Variants in SHROOM4 observed in about 807,000 individuals in gnomAD.
SHROOM4 encodes the protein protein Shroom4.
A neutral mutation model predicts 80.3 loss-of-function variants in SHROOM4; 17 were observed. That is an observed-to-expected ratio of 0.21 (90% CI 0.14 to 0.32). The LOEUF is 0.32. Ranked by LOEUF, SHROOM4 falls within the 10% of genes least tolerant of loss-of-function variation. The pLI is 1.00. For synonymous variants in SHROOM4, 400 were observed against 437.5 expected, an observed-to-expected ratio of 0.91 and a Z score of 1.07; for missense variants, 993 against 1,140.3, an observed-to-expected ratio of 0.87 and a Z score of 1.86.
At chrX:50,704,984 G>A (rs781993276) in intron 1 of SHROOM4, among the ~76,000 whole-genome samples, 7 of 111,810 alleles carry the variant, frequency 6.3e-5, no homozygotes, top group Non-Finnish European at 1.1e-4. Context: ...AAAGCAAACA[G>A]CTCCCAAATA....
At chrX:50,586,330 C>A (rs1446271103), downstream of SHROOM4, among the ~76,000 whole-genome samples, 2 of 111,720 alleles carry the variant, frequency 1.8e-5, no homozygotes, top group Non-Finnish European at 3.8e-5. Flanking sequence ...TTACTCATGG[C>A]CTTTTCCCAG....
At chrX:50,742,567 T>C (rs1265563738) in intron 1 of SHROOM4, among the ~76,000 whole-genome samples, 1 of 105,659 alleles carries the variant, frequency 9.5e-6, no homozygotes, top group African/African-American at 3.5e-5. Flanking sequence ...ACTGGTCAGG[T>C]ATTTTGTAGA....
At chrX:50,793,764 G>C (rs1935901858) in intron 1 of SHROOM4, among the ~76,000 whole-genome samples, 1 of 109,269 alleles carries the variant, frequency 9.2e-6, no homozygotes, top group African/African-American at 3.3e-5. Flanking sequence ...GAAAAAAGAG[G>C]GGTTACTAAC....
rs1557248990 is a variant in SHROOM4 at position 50,607,870 on chromosome X, A to G, written c.3272T>C (p.Leu1091Pro). 4 of 1,207,114 alleles carry G rather than the reference A, an allele frequency of 3.3e-6. No individual in the cohort carries two copies. In the Admixed American group the frequency reaches 8.8e-5, roughly 26 times the overall value. Residue 1091 changes from leucine to proline, a missense_variant, in exon 6 of 9, where the codon CTT (leucine) becomes CCT (proline). Coordinates refer to ENST00000376020, the MANE Select transcript of SHROOM4 (RefSeq NM_020717.5). ...FSKGDETQSDLLGARKKAFPP... is the reference protein window; with the variant it reads ...FSKGDETQSDPLGARKKAFPP... ...AAAGGCCTTCTTCCTGGCTCCGAGA[A>G]GATCCGACTGGGTCTCATCACCTTT...
intron 1 of SHROOM4, among the ~76,000 whole-genome samples, chrX:50,740,904 C>G (rs1348127404): frequency 9.0e-6 from 1 of 111,623 alleles, no homozygotes; most frequent in Non-Finnish European, 1.9e-5. Context: ...AGCTTTCCCC[C>G]TATATTTTAT....
At chrX:50,653,926 G>T (rs940118349) in intron 2 of SHROOM4, among the ~76,000 whole-genome samples, 1 of 111,986 alleles carries the variant, frequency 8.9e-6, no homozygotes, top group Non-Finnish European at 1.9e-5. Context: ...CTTGATCGTG[G>T]TGGATCCTCT....
At chrX:50,797,127 C>A (rs953941581) in intron 1 of SHROOM4, among the ~76,000 whole-genome samples, 1 of 109,036 alleles carries the variant, frequency 9.2e-6, no homozygotes, top group East Asian at 2.9e-4. Flanking sequence ...TGAGGAATAT[C>A]CACAGGATAG....
intron 2 of SHROOM4, among the ~76,000 whole-genome samples, chrX:50,689,035 T>G (rs1021618761): frequency 9.0e-6 from 1 of 111,149 alleles, no homozygotes; most frequent in Non-Finnish European, 1.9e-5. Context: ...GGACCAGCAT[T>G]AAGATTAATG....
chrX:50,579,048 C>A, the SHROOM4 span, among the ~76,000 whole-genome samples: 1 of 111,032 alleles, frequency 9.0e-6, no homozygotes, highest in African/African-American at 3.3e-5. Flanking sequence ...TGGTGGAACT[C>A]AAAAAACATG....
chrX:50,628,658 T>C (rs1183898630), intron 4 of SHROOM4, among the ~76,000 whole-genome samples: 1 of 111,910 alleles, frequency 8.9e-6, no homozygotes, highest in Non-Finnish European at 1.9e-5. Flanking sequence ...AGAATAAACA[T>C]AGATCCTTGG....
chrX:50,633,212 C>T lies in SHROOM4; in HGVS notation c.2861G>A (p.Gly954Asp), dbSNP rs1557254505. 1.7e-6 allele frequency: 2 copies of T among 1,211,242 alleles called. No homozygotes were observed. The highest frequency in any genetic ancestry group is 2.2e-5 in the Admixed American group (1 of 46,036). The change falls in exon 4 of 9, where the codon GGC (glycine) becomes GAC (aspartate). Residue 954 changes from glycine to aspartate, a missense_variant. By Grantham distance (94) the Gly-to-Asp change is moderately conservative. Transcript: ENST00000376020. ...CAGCTTCCTGGGTTTCCAAGTGTTG[C>T]CAGGTGCCAAGCTGCTGTCCTCGAG... ...SALEDSSLAP[G>D]NTWKPRKLTV... is the part of the protein sequence containing the mutation.
chrX:50,620,034 T>C (rs782424686), intron 5 of SHROOM4, among the ~76,000 whole-genome samples: 3 of 111,632 alleles, frequency 2.7e-5, no homozygotes, highest in South Asian at 7.7e-4. Context: ...TAAGCATGTC[T>C]GGTAAGTAAC....
intron 1 of SHROOM4, among the ~76,000 whole-genome samples, chrX:50,698,100 T>C (rs1933421287): frequency 8.9e-6 from 1 of 112,677 alleles, no homozygotes; most frequent in Non-Finnish European, 1.9e-5. Flanking sequence ...CCCCTCAATA[T>C]GTATTAAGTA....
intron 1 of SHROOM4, among the ~76,000 whole-genome samples, chrX:50,739,482 C>T (rs1192087998): frequency 9.0e-6 from 1 of 110,780 alleles, no homozygotes; most frequent in African/African-American, 3.3e-5. Flanking sequence ...AACAAATTTA[C>T]AAGAAAAAAG....
chrX:50,785,029 C>T (rs1569548993), intron 1 of SHROOM4, among the ~76,000 whole-genome samples: 1 of 111,823 alleles, frequency 8.9e-6, no homozygotes, highest in East Asian at 2.8e-4. Context: ...CATCATTAGC[C>T]ATTAGAAAAA....
chrX:50,711,462 G>A (rs912026813), intron 1 of SHROOM4, among the ~76,000 whole-genome samples: 1 of 111,935 alleles, frequency 8.9e-6, no homozygotes, highest in African/African-American at 3.2e-5. Flanking sequence ...GGATACACAA[G>A]TGCATGGGAT....
chrX:50,652,395 C>T (rs1017417907), intron 2 of SHROOM4, among the ~76,000 whole-genome samples: 3 of 111,933 alleles, frequency 2.7e-5, no homozygotes, highest in Non-Finnish European at 5.6e-5. Context: ...AGTGTCTGTT[C>T]ATATCCTTCA....
intron 1 of SHROOM4, among the ~76,000 whole-genome samples, chrX:50,763,356 CTGATA>C (rs1330069747): frequency 9.0e-6 from 1 of 111,339 alleles, no homozygotes; most frequent in Non-Finnish European, 1.9e-5. Context: ...TTGTGTCTGT[CTGATA>C]TATTATCTAC....
chrX:50,697,802 A>G (rs1215392819), intron 1 of SHROOM4, among the ~76,000 whole-genome samples: 1 of 111,867 alleles, frequency 8.9e-6, no homozygotes, highest in East Asian at 2.8e-4. Context: ...CCAAGAAAAA[A>G]AGAGAGAGAG....
Sources: allele counts gnomAD v4.1 joint callset (sites outside exome capture counted in the v4.1 genomes callset), GRCh38; gene constraint gnomAD v4.1.1; transcripts MANE v1.5; gene names NCBI Gene and HGNC (gene_info 2026-07-23, HGNC 2026-07-21).